Variants in TTBK1 observed in about 807,000 individuals in gnomAD.
TTBK1 encodes the protein tau tubulin kinase 1, also known as tau-tubulin kinase 1.
TTBK1 carries 34 observed loss-of-function variants against 108.5 expected under a neutral mutation model. The ratio of observed to expected loss-of-function variants is 0.31; its 90% CI spans 0.24 to 0.42. The LOEUF is 0.42. Ranked by LOEUF, TTBK1 falls within the 10% of genes least tolerant of loss-of-function variation. The pLI, the probability that TTBK1 is intolerant of heterozygous loss-of-function variation, is 1.00. For missense variants in TTBK1, 1,539 were observed against 1,826.0 expected, an observed-to-expected ratio of 0.84 and a Z score of 2.86; for synonymous variants, 809 against 795.1, an observed-to-expected ratio of 1.02 and a Z score of -0.29.
Position 43,285,309 on chromosome 6 carries a change from T to C in TTBK1, c.3899T>C (p.Leu1300Pro), listed in dbSNP as rs1271802653. 1 of 1,292,242 alleles carries C rather than the reference T, an allele frequency of 7.7e-7. No individual in the cohort carries two copies. Among genetic ancestry groups the C allele is most frequent in the South Asian group, 2.6e-5 (1 of 37,824 alleles). 80.0% of individuals were successfully genotyped at this position (1,292,242 alleles called of 1,614,324 possible). A position where few individuals can be genotyped will look rare whatever the true frequency, so the allele number is the denominator to read the frequency against. The change falls in exon 15 of 15, where the codon CTC (leucine) becomes CCC (proline). Residue 1300 changes from leucine to proline, a missense_variant. Leu to Pro is a moderately conservative substitution (Grantham distance 98, BLOSUM62 -3). This residue lies in a region of TTBK1 where 1,055 missense variants were observed against 1,086.5 expected (regional missense o/e 0.97). Coordinates refer to ENST00000259750, the MANE Select transcript of TTBK1 (RefSeq NM_032538.3). The surrounding 1 kb of genome is among the most constrained non-coding windows in gnomAD (Gnocchi z 4.7). ...TCCAAGAAAGGACCCAGAGGGAAAC[T>C]CCAGGCTCAGCGCGCAACAACCAAA... is the stretch of plus-strand genomic sequence containing the variant. ...GGSKKGPRGK[L>P]QAQRATTKGR...
At position 43,282,999 on chromosome 6, in the gene TTBK1, G is replaced by GGAA. The variant is rs1562100257; in HGVS notation, c.2261_2262insAGA (p.Glu771dup). Reference sequence around the variant, plus strand: ...AAGAAGAGGATGAGGAAGAAGAAGAGGAGGAAGAGGAAGAGGAGGAGGAAG... The same window carrying GGAA: ...AAGAAGAGGATGAGGAAGAAGAAGAGGAAGAGGAAGAGGAAGAGGAGGAGGAAG... On this transcript the variant is annotated inframe_insertion, in exon 14 of 15. Coordinates refer to ENST00000259750, the MANE Select transcript of TTBK1 (RefSeq NM_032538.3). This position sits in a 1 kb window ranked among gnomAD's most constrained non-coding sequence, Gnocchi z 5.4. 7 of 1,599,988 alleles carry GGAA rather than the reference G, an allele frequency of 4.4e-6. No individual in the cohort carries two copies. The African/African-American group carries it at 8.1e-5, about 18-fold the overall frequency.
chr6:43,270,861 G>A (rs1777816704), intron 13 of TTBK1: 1 of 985,528 alleles, frequency 1.0e-6, no homozygotes, highest in Non-Finnish European at 1.2e-6. Context: ...CAGTGTCTCA[G>A]GACAAATCCC....
intron 2 of TTBK1, 89 bp from the exon 3 acceptor site, chr6:43,252,650 C>T (rs1777276013): frequency 4.3e-5 from 64 of 1,478,140 alleles, no homozygotes; most frequent in Non-Finnish European, 5.8e-5. Flanking sequence ...CCCCCTTCCC[C>T]ACCAATGAAG....
At chr6:43,258,942 G>A in intron 10 of TTBK1, 96 bp from the exon 11 acceptor site, 1 of 854,470 alleles carries the variant, frequency 1.2e-6, no homozygotes, top group South Asian at 1.8e-5. Flanking sequence ...GCCCGCTCCT[G>A]GGGGTGGTCT....
chr6:43,272,059 C>T, intron 13 of TTBK1: 1 of 985,378 alleles, frequency 1.0e-6, no homozygotes, highest in Non-Finnish European at 1.2e-6. Context: ...GAACAGTGGC[C>T]CCACTCCCCT....
chr6:43,273,418 C>T lies in TTBK1; in HGVS notation c.1987-9309C>T, dbSNP rs1480645845. On this transcript the variant is annotated intron_variant, in intron 13 of 14. Transcript: ENST00000259750. This position sits in a 1 kb window ranked among gnomAD's most constrained non-coding sequence, Gnocchi z 4.2. ...TTAAAATGGCTGGACCCTGTCTCTC[C>T]AGAGACCTCCAACCCCTCAATCCCA... is the stretch of plus-strand genomic sequence containing the variant. Among the ~76,000 whole-genome samples, 2 of 152,172 alleles carry T rather than the reference C, an allele frequency of 1.3e-5. No individual in the cohort carries two copies. The highest frequency in any genetic ancestry group is 2.4e-5 in the African/African-American group (1 of 41,424).
chr6:43,257,236 C>T lies in TTBK1; in HGVS notation c.862-576C>T, dbSNP rs1777406156. Among the ~76,000 whole-genome samples, 1 of 152,236 alleles carries T rather than the reference C, an allele frequency of 6.6e-6. No individual in the cohort carries two copies. Among genetic ancestry groups the T allele is most frequent in the African/African-American group, 2.4e-5 (1 of 41,460 alleles). On this transcript the variant is annotated intron_variant, in intron 9 of 14. Coordinates refer to ENST00000259750, the MANE Select transcript of TTBK1 (RefSeq NM_032538.3). This position sits in a 1 kb window ranked among gnomAD's most constrained non-coding sequence, Gnocchi z 4.5. ...AGACGCCCCCTGATCTTGGCTTAGC[C>T]TCATGGGATCCCCAAAGCCACACAG...
In TTBK1 at chr6:43,269,778, T is replaced by TCCTCCGGTTCCCTCATTCAGCGCAG; in HGVS notation, c.1986+6431_1986+6455dup. The TCCTCCGGTTCCCTCATTCAGCGCAG allele has an allele frequency of 6.3e-7, 1 of 1,580,786 alleles. No homozygotes were observed. The highest frequency in any genetic ancestry group is 8.6e-7 in the Non-Finnish European group (1 of 1,168,550). ...CCCCGGCGGCGGCGGCTCCTCGGGC[T>TCCTCCGGTTCCCTCATTCAGCGCAG]CCTCCGGTTCCCTCATTCAGCGCAG... is the stretch of plus-strand genomic sequence containing the variant. On this transcript the variant is annotated intron_variant, in intron 13 of 14. Transcript: ENST00000259750. This position sits in a 1 kb window ranked among gnomAD's most constrained non-coding sequence, Gnocchi z 4.8.
chr6:43,249,781 T>C (rs1777189175), intron 2 of TTBK1, among the ~76,000 whole-genome samples: 1 of 152,162 alleles, frequency 6.6e-6, no homozygotes, highest in Non-Finnish European at 1.5e-5. Flanking sequence ...TTCACCATGT[T>C]GGCCAGGCTG....
chr6:43,263,039 G>C lies in TTBK1; in HGVS notation c.1675G>C (p.Ala559Pro). ...ETELKDFPPG[A>P]EPSTSGTTDE... ...GGAGCTCAAGGACTTCCCTCCAGGG[G>C]CTGAGCCCAGCACATCGGGCACCAC... Residue 559 changes from alanine (A) to proline (P), a missense_variant, in exon 13 of 15, where the codon GCT (alanine) becomes CCT (proline). Physicochemically the swap from Ala to Pro is conservative, Grantham distance 27. Around this residue, in one of 5 missense-constraint regions of TTBK1, gnomAD observed 1,055 missense variants for 1,086.5 expected, o/e 0.97. Transcript: ENST00000259750. This position sits in a 1 kb window ranked among gnomAD's most constrained non-coding sequence, Gnocchi z 4.7. 6.3e-7 allele frequency: 1 copy of C among 1,594,192 alleles called. No individual in the cohort carries two copies. Among genetic ancestry groups the C allele is most frequent in the Non-Finnish European group, 8.5e-7 (1 of 1,170,798 alleles).
rs761518023 is a variant in TTBK1, at chr6:43,283,885, G to C, written c.3145G>C (p.Gly1049Arg). The C allele has an allele frequency of 6.2e-7, 1 of 1,611,590 alleles. No homozygotes were observed. The highest frequency in any genetic ancestry group is 8.5e-7 in the Non-Finnish European group (1 of 1,178,402). The change falls in exon 14 of 15, where the codon GGC (glycine) becomes CGC (arginine). Residue 1049 changes from glycine (G) to arginine (R), a missense_variant. Physicochemically the swap from Gly to Arg is moderately radical, Grantham distance 125 (BLOSUM62 -2). Coordinates refer to ENST00000259750, the MANE Select transcript of TTBK1 (RefSeq NM_032538.3). The surrounding 1 kb of genome is among the most constrained non-coding windows in gnomAD (Gnocchi z 8.1). ...TISPRRHAMP[G>R]SRPRSRIPVL... The stretch of plus-strand genomic sequence containing the variant: ...CTCCCCCAGACGCCATGCTATGCCA[G>C]GCTCTCGCCCCAGGAGCCGTATCCC...
In TTBK1 at chr6:43,276,451, A is replaced by C. The variant is rs1778002466; in HGVS notation, c.1987-6276A>C. ...GAGTACTGTACAAATCCAACACTTGAAACCGACACGCACACGCGCGGCGCC... is the reference window on the plus strand; with the variant it reads ...GAGTACTGTACAAATCCAACACTTGCAACCGACACGCACACGCGCGGCGCC... On this transcript the variant is annotated intron_variant, in intron 13 of 14. Transcript: ENST00000259750. The surrounding 1 kb of genome is among the most constrained non-coding windows in gnomAD (Gnocchi z 5.4). Among the ~76,000 whole-genome samples, 1 of 151,992 alleles carries C rather than the reference A, an allele frequency of 6.6e-6. No homozygotes were observed. Among genetic ancestry groups the C allele is most frequent in the African/African-American group, 2.4e-5 (1 of 41,364 alleles).
rs563082069 is a variant in TTBK1 at position 43,276,867 on chromosome 6, A to G, written c.1987-5860A>G. ...GGCAGCTGGGTGAGGAGGGCACCCC[A>G]GAGGTTTGGGCCTAGTTGGACTTGA... is the stretch of plus-strand genomic sequence containing the variant. On this transcript the variant is annotated intron_variant, in intron 13 of 14. Transcript: ENST00000259750. This position sits in a 1 kb window ranked among gnomAD's most constrained non-coding sequence, Gnocchi z 5.4. Among the ~76,000 whole-genome samples, 12 of 152,198 alleles carry G rather than the reference A, an allele frequency of 7.9e-5. 1 individual carries two copies. In the Middle Eastern group the frequency reaches 0.01, roughly 129 times the overall value.
At chr6:43,271,351 T>C (rs939619932) in intron 13 of TTBK1, 3 of 985,352 alleles carry the variant, frequency 3.0e-6, no homozygotes, top group Non-Finnish European at 3.6e-6. Flanking sequence ...GGCTGTGCAC[T>C]GTGTAATTCC....
rs756405350 is a variant in TTBK1 at position 43,283,741 on chromosome 6, G to GC, written c.3007dup (p.Arg1003ProfsTer33). 6.2e-7 allele frequency: 1 copy of GC among 1,612,220 alleles called. No individual in the cohort carries two copies. On this transcript the variant is annotated frameshift_variant, in exon 14 of 15. Coordinates refer to ENST00000259750, the MANE Select transcript of TTBK1 (RefSeq NM_032538.3). LOFTEE classifies it high-confidence loss of function. This position sits in a 1 kb window ranked among gnomAD's most constrained non-coding sequence, Gnocchi z 8.1. The stretch of plus-strand genomic sequence containing the variant: ...GATAGAGGGCTCTGCCCTGTCTGGG[G>GC]CCCCCCGGGAAACCCCCTCAGAGAT...
chr6:43,284,082 T>G lies in TTBK1; in HGVS notation c.3342T>G (p.Ser1114Arg). The G allele has an allele frequency of 1.9e-6, 3 of 1,539,306 alleles. No individual in the cohort carries two copies. Among genetic ancestry groups the G allele is most frequent in the Non-Finnish European group, 2.6e-6 (3 of 1,143,464 alleles). ...RLASGASSSS[S>R]EEQRRASETL... ...CCTCAGGGGCCTCGTCCTCCTCCAGTGAGGAGCAGCGCCGTGCCTCTGAGA... is the reference window on the plus strand; with the variant it reads ...CCTCAGGGGCCTCGTCCTCCTCCAGGGAGGAGCAGCGCCGTGCCTCTGAGA... Residue 1114 changes from serine (S) to arginine (R), a missense_variant, in exon 14 of 15, where the codon AGT becomes AGG. By Grantham distance (110) the Ser-to-Arg change is moderately radical (BLOSUM62 -1). Transcript: ENST00000259750.
In TTBK1 at chr6:43,283,220, T is replaced by C; in HGVS notation, c.2480T>C (p.Leu827Pro). 6.4e-7 allele frequency: 1 copy of C among 1,551,850 alleles called. No homozygotes were observed. The highest frequency in any genetic ancestry group is 1.2e-5 in the South Asian group (1 of 84,270). ...RGRASMADGDLEPEEGSKTLV... is the reference protein window; with the variant it reads ...RGRASMADGDPEPEEGSKTLV... ...CGGGCCTCCATGGCCGATGGGGACC[T>C]GGAGCCTGAGGAGGGCTCCAAAACG... The change falls in exon 14 of 15, where the codon CTG becomes CCG. Residue 827 changes from leucine to proline, a missense_variant. Leu to Pro is a moderately conservative substitution (Grantham distance 98, BLOSUM62 -3). This residue lies in a region of TTBK1 where 1,055 missense variants were observed against 1,086.5 expected (regional missense o/e 0.97). Transcript: ENST00000259750. The surrounding 1 kb of genome is among the most constrained non-coding windows in gnomAD (Gnocchi z 8.1).
intron 12 of TTBK1, among the ~76,000 whole-genome samples, chr6:43,262,061 T>A (rs369840265): frequency 6.6e-6 from 1 of 151,644 alleles, no homozygotes; most frequent in African/African-American, 2.4e-5. Context: ...CAGCAAAGGG[T>A]AGAAGGACAG....
chr6:43,285,090 C>T lies in TTBK1; in HGVS notation c.3680C>T (p.Pro1227Leu), dbSNP rs1434438289. The change falls in exon 15 of 15, where the codon CCC becomes CTC. Residue 1227 changes from proline (P) to leucine (L), a missense_variant. This residue lies in a region of TTBK1 where 1,055 missense variants were observed against 1,086.5 expected (regional missense o/e 0.97). Coordinates refer to ENST00000259750, the MANE Select transcript of TTBK1 (RefSeq NM_032538.3). The surrounding 1 kb of genome is among the most constrained non-coding windows in gnomAD (Gnocchi z 4.7). ...GGGCGAGCCCAAGCCGGAGCCAGGCCCCCAGCGCCGCGCAGCCCGCGCCTC... is the reference window on the plus strand; with the variant it reads ...GGGCGAGCCCAAGCCGGAGCCAGGCTCCCAGCGCCGCGCAGCCCGCGCCTC... ...GPGRAQAGAR[P>L]PAPRSPRLPA... is the part of the protein sequence containing the mutation. 5.4e-6 allele frequency: 8 copies of T among 1,484,458 alleles called. No homozygotes were observed. Among genetic ancestry groups the T allele is most frequent in the Non-Finnish European group, 6.2e-6 (7 of 1,125,490 alleles). The allele number at this position is 1,484,458 out of a possible 1,614,324, so 92.0% of individuals were successfully genotyped here. A position where few individuals can be genotyped will look rare whatever the true frequency, so the allele number is the denominator to read the frequency against.
Sources: allele counts gnomAD v4.1 joint callset (sites outside exome capture counted in the v4.1 genomes callset), GRCh38; gene constraint gnomAD v4.1.1; regional missense constraint gnomAD v4.1.1; non-coding constraint Gnocchi (gnomAD v3.1); transcripts MANE v1.5; gene names NCBI Gene and HGNC (gene_info 2026-07-23, HGNC 2026-07-21).